The following ZNF420 variants were observed in gnomAD, a reference collection of about 807,000 sequenced individuals.
ZNF420 encodes zinc finger protein 420, also known as ATM and p53-associated KZNF protein.
A neutral mutation model predicts 44.7 loss-of-function variants in ZNF420; 31 were observed. The ratio of observed to expected loss-of-function variants is 0.69; its 90% CI spans 0.52 to 0.94. The LOEUF (loss-of-function observed/expected upper bound fraction) is 0.94. Among genes scored for constraint, ZNF420 ranks in the 40% least tolerant of loss-of-function variants. ZNF420 has a pLI of 0.00. For missense variants in ZNF420, 681 were observed against 827.9 expected, an observed-to-expected ratio of 0.82 and a Z score of 2.18; for synonymous variants, 245 against 267.4, an observed-to-expected ratio of 0.92 and a Z score of 0.82.
At chr19:37,048,937 A>G (rs148406570) in intron 1 of ZNF420, among the ~76,000 whole-genome samples, 1,609 of 143,198 alleles carry the variant, frequency 0.011, 9 homozygotes, top group Non-Finnish European at 0.018. Flanking sequence ...TCATTGTTCA[A>G]TTCCCACCTA....
intron 1 of ZNF420, among the ~76,000 whole-genome samples, chr19:37,032,313 A>G (rs745676226): frequency 6.6e-6 from 1 of 151,662 alleles, no homozygotes; most frequent in Non-Finnish European, 1.5e-5. Flanking sequence ...ACCTGGTGAC[A>G]GAGCAAGACT....
At chr19:37,108,056 C>T (rs1970191116) in intron 4 of ZNF420, among the ~76,000 whole-genome samples, 1 of 152,170 alleles carries the variant, frequency 6.6e-6, no homozygotes, top group African/African-American at 2.4e-5. Context: ...ATCCAAATGA[C>T]AGTCTAAGAT....
At chr19:37,018,046 C>T (rs1230355052) in intron 1 of ZNF420, among the ~76,000 whole-genome samples, 1 of 151,816 alleles carries the variant, frequency 6.6e-6, no homozygotes, top group Non-Finnish European at 1.5e-5. Flanking sequence ...AAGAGAAAAC[C>T]ATGCCATTCA....
intron 4 of ZNF420, chr19:37,109,440 G>A (rs987318984): frequency 1.3e-5 from 2 of 152,248 alleles, no homozygotes; most frequent in Non-Finnish European, 2.9e-5. Flanking sequence ...TCTGGAGTTT[G>A]TGTCACCTTT....
At position 37,068,754 on chromosome 19, in the gene ZNF420, GA is replaced by G. The variant is rs558379362; in HGVS notation, c.-124-11588del. The stretch of plus-strand genomic sequence containing the variant: ...AGAAGTATATTAAGGGAAGCATATA[GA>G]AAGACTGAAAATGAAGAACAGAAAA... On this transcript the variant is annotated intron_variant, in intron 1 of 4. Transcript: ENST00000587029. 5.5e-4 allele frequency among the ~76,000 whole-genome samples: 84 copies of G among 152,274 alleles called. No homozygotes were observed. In the Middle Eastern group the frequency reaches 0.014, roughly 25 times the overall value.
At chr19:37,091,290 T>C in intron 4 of ZNF420, 169 bp downstream of exon 4, 1 of 579,982 alleles carries the variant, frequency 1.7e-6, no homozygotes, top group South Asian at 3.1e-5. Context: ...CCTTTATCTT[T>C]TCCATCCTTC....
In ZNF420 at chr19:37,127,380, C is replaced by G. The variant is rs1329126856; in HGVS notation, c.389C>G (p.Ser130Ter). The G allele has an allele frequency of 6.2e-7, 1 of 1,613,618 alleles. No individual in the cohort carries two copies. Among genetic ancestry groups the G allele is most frequent in the Non-Finnish European group, 8.5e-7 (1 of 1,179,626 alleles). The change falls in exon 5 of 5, where the codon TCA becomes TGA. Residue 130 changes from serine to a stop codon, truncating the protein, a stop_gained. Coordinates refer to ENST00000337995, the MANE Select transcript of ZNF420 (RefSeq NM_144689.5). LOFTEE classifies it low-confidence loss of function (END_TRUNC). ...CAGCATACTTACTTATCTCAACATTCAAGATGTCATTCTACTGAGAAACCC... is the reference window on the plus strand; with the variant it reads ...CAGCATACTTACTTATCTCAACATTGAAGATGTCATTCTACTGAGAAACCC... ...FNQHTYLSQH[S>*]RCHSTEKPYK...
chr19:37,015,132 CTG>C (rs1406410977), intron 1 of ZNF420, among the ~76,000 whole-genome samples: 4 of 152,216 alleles, frequency 2.6e-5, no homozygotes, highest in African/African-American at 7.2e-5. Context: ...CTGGATGTCT[CTG>C]TGTGTGTTTC....
intron 1 of ZNF420, among the ~76,000 whole-genome samples, chr19:37,052,830 A>G (rs1254254783): frequency 6.6e-6 from 1 of 151,994 alleles, no homozygotes; most frequent in Non-Finnish European, 1.5e-5. Flanking sequence ...GAATCTGACA[A>G]TTATGTGTCT....
intron 4 of ZNF420, 100 bp from the exon 5 acceptor site, chr19:37,127,028 C>A: frequency 9.9e-7 from 1 of 1,009,928 alleles, no homozygotes; most frequent in Non-Finnish European, 1.4e-6. Context: ...GAAACAAACT[C>A]ATGTATGTCT....
intron 1 of ZNF420, among the ~76,000 whole-genome samples, chr19:37,060,050 C>G (rs924755075): frequency 3.3e-5 from 5 of 152,078 alleles, no homozygotes; most frequent in Non-Finnish European, 7.3e-5. Flanking sequence ...CTGGTTGTCT[C>G]GTTTTCGCGG....
intron 4 of ZNF420, among the ~76,000 whole-genome samples, chr19:37,106,500 A>G (rs1203235205): frequency 1.3e-5 from 2 of 152,176 alleles, no homozygotes; most frequent in Non-Finnish European, 2.9e-5. Context: ...ATTATTGTGA[A>G]GATTACCAGT....
intron 4 of ZNF420, among the ~76,000 whole-genome samples, chr19:37,094,841 T>C (rs532700805): frequency 5.3e-5 from 8 of 152,206 alleles, no homozygotes; most frequent in African/African-American, 1.7e-4. Context: ...CGTAGAAATA[T>C]CTTTGTTAAG....
At chr19:37,096,272 T>C (rs1026498308) in intron 4 of ZNF420, among the ~76,000 whole-genome samples, 21 of 152,122 alleles carry the variant, frequency 1.4e-4, no homozygotes. Context: ...GTTTTTATCT[T>C]ATACTTTCAT....
chr19:37,125,027 G>A (rs186147234), intron 4 of ZNF420, among the ~76,000 whole-genome samples: 18 of 152,082 alleles, frequency 1.2e-4, no homozygotes, highest in African/African-American at 3.1e-4. Context: ...TAGTAGAGAC[G>A]GGTTTTCACC....
At chr19:37,100,987 T>A (rs531727864) in intron 4 of ZNF420, among the ~76,000 whole-genome samples, 1 of 126,972 alleles carries the variant, frequency 7.9e-6, no homozygotes, top group East Asian at 2.0e-4. Context: ...TTTGGTTAAA[T>A]TTATTCCTTT....
intron 1 of ZNF420, among the ~76,000 whole-genome samples, chr19:37,029,146 A>G (rs1274045689): frequency 6.6e-6 from 1 of 152,188 alleles, no homozygotes; most frequent in Non-Finnish European, 1.5e-5. Flanking sequence ...TTAACTTGCA[A>G]TGCTTGGTCA....
At chr19:37,019,379 C>T (rs2074630063) in intron 1 of ZNF420, among the ~76,000 whole-genome samples, 1 of 152,150 alleles carries the variant, frequency 6.6e-6, no homozygotes, top group Non-Finnish European at 1.5e-5. Flanking sequence ...AAAATAAGAG[C>T]TGTTGGTAAT....
intron 4 of ZNF420, among the ~76,000 whole-genome samples, chr19:37,114,204 T>TGGTGG (rs1206263394): frequency 1.3e-5 from 2 of 152,072 alleles, no homozygotes; most frequent in Non-Finnish European, 2.9e-5. Flanking sequence ...GTCCACTAGG[T>TGGTGG]GGTGGTGTAG....
Sources: gnomAD v4.1 joint callset for allele counts (sites outside exome capture counted in the v4.1 genomes callset) on GRCh38, gnomAD v4.1.1 for gene constraint, MANE v1.5 for transcripts, NCBI Gene and HGNC (gene_info 2026-07-23, HGNC 2026-07-21) for gene names.